EML6: variants seen among roughly 807,000 people sequenced by gnomAD.
EML6 encodes echinoderm microtubule-associated protein-like 6.
A neutral mutation model predicts 240.1 loss-of-function variants in EML6; 154 were observed. The ratio of observed to expected loss-of-function variants is 0.64; its 90% confidence interval spans 0.56 to 0.73. The LOEUF is 0.73. Among genes scored for constraint, EML6 ranks in the 30% least tolerant of loss-of-function variants. EML6 has a pLI of 0.00. For synonymous variants in EML6, 1,148 were observed against 899.0 expected (o/e 1.28, Z -4.95); for missense variants, 2,964 against 2,474.6 (o/e 1.20, Z -4.20).
At chr2:54,765,053 T>G (rs1379419067) in intron 2 of EML6, among the ~76,000 whole-genome samples, 1 of 152,206 alleles carries the variant, frequency 6.6e-6, no homozygotes, top group Non-Finnish European at 1.5e-5. Context: ...ATTAGAATTT[T>G]TTTTTCTTTA....
At chr2:54,849,892 C>T in intron 9 of EML6, 70 bp from the exon 10 acceptor site, 1 of 1,272,672 alleles carries the variant, frequency 7.9e-7, no homozygotes, top group Non-Finnish European at 1.1e-6. Context: ...TTTTCTGACA[C>T]ATATATTTTA....
intron 3 of EML6, among the ~76,000 whole-genome samples, chr2:54,814,869 G>A (rs900147200): frequency 6.6e-6 from 1 of 152,174 alleles, no homozygotes; most frequent in Non-Finnish European, 1.5e-5. Context: ...ATCTCATCCA[G>A]TTAGTCAGTT....
Position 54,949,484 on chromosome 2 carries a change from A to T in EML6, c.4083+524A>T, listed in dbSNP as rs1048368064. On this transcript the variant is annotated intron_variant, in intron 29 of 41. Coordinates refer to ENST00000356458, the MANE Select transcript of EML6 (RefSeq NM_001039753.4). ...GAGTTGAGGGAGTTATCAGGTCCCA[A>T]GCCCAAGATCACCAAGCCAGTAAGT... is the stretch of plus-strand genomic sequence containing the variant. Among the ~76,000 whole-genome samples the T allele has an allele frequency of 7.2e-5, 11 of 152,284 alleles. No individual in the cohort carries two copies. The East Asian group carries it at 2.1e-3, about 29-fold the overall frequency.
intron 2 of EML6, among the ~76,000 whole-genome samples, chr2:54,798,805 G>T (rs1465691105): frequency 6.6e-6 from 1 of 152,042 alleles, no homozygotes; most frequent in East Asian, 1.9e-4. Context: ...GTACTGCTAG[G>T]ACCTGCAGGC....
chr2:54,957,759 G>A, intron 32 of EML6, 31 bp from the exon 33 acceptor site: 1 of 1,545,846 alleles, frequency 6.5e-7, no homozygotes. Flanking sequence ...GAAGCAATGA[G>A]GAGCCTCACT....
At chr2:54,731,728 A>G (rs1244427881) in intron 2 of EML6, among the ~76,000 whole-genome samples, 1 of 152,236 alleles carries the variant, frequency 6.6e-6, no homozygotes, top group Non-Finnish European at 1.5e-5. Context: ...AAAGAATTGT[A>G]TCAGTCCCAC....
At chr2:54,773,328 G>A (rs1198445570) in intron 2 of EML6, among the ~76,000 whole-genome samples, 10 of 152,264 alleles carry the variant, frequency 6.6e-5, no homozygotes. Flanking sequence ...CAAGACACTA[G>A]GACAAGTTTC....
Position 54,968,862 on chromosome 2 carries a change from C to T in EML6, c.5852+94C>T, listed in dbSNP as rs1163177608. ...CCCGTGGGTCAGCCTCTCCCAGGGGCATGAGGAGGGCTGATGTGGGGCTAA... is the reference window on the plus strand; with the variant it reads ...CCCGTGGGTCAGCCTCTCCCAGGGGTATGAGGAGGGCTGATGTGGGGCTAA... On this transcript the variant is annotated intron_variant, in intron 41 of 41. Transcript: ENST00000356458. 1.2e-5 allele frequency: 8 copies of T among 675,354 alleles called. No homozygotes were observed. In the East Asian group the frequency reaches 2.2e-4, roughly 19 times the overall value. The allele number at this position is 675,354 out of a possible 1,614,324, so 41.8% of individuals were successfully genotyped here.
intron 2 of EML6, among the ~76,000 whole-genome samples, chr2:54,812,966 T>C (rs1260584254): frequency 6.6e-6 from 1 of 152,206 alleles, no homozygotes; most frequent in Non-Finnish European, 1.5e-5. Flanking sequence ...CGATTTTAAA[T>C]TGAATAATTA....
At chr2:54,921,672 A>G (rs1462425645) in intron 26 of EML6, among the ~76,000 whole-genome samples, 2 of 152,160 alleles carry the variant, frequency 1.3e-5, no homozygotes, top group Non-Finnish European at 2.9e-5. Context: ...TGAAATATAC[A>G]TTTCAAACTA....
chr2:54,925,895 A>G (rs13004152), intron 26 of EML6, among the ~76,000 whole-genome samples: 4,431 of 152,268 alleles, frequency 0.029, 75 homozygotes, highest in African/African-American at 0.038. Flanking sequence ...TTGCATTTTT[A>G]AAACCCTCCA....
At chr2:54,892,687 T>C in intron 19 of EML6, 31 bp downstream of exon 19, 4 of 1,506,166 alleles carry the variant, frequency 2.7e-6, no homozygotes, top group Non-Finnish European at 3.6e-6. Context: ...TTCATTTTCC[T>C]CATCAGCCTT....
At position 54,924,759 on chromosome 2, in the gene EML6, C is replaced by T. The variant is rs550182141; in HGVS notation, c.3676-3554C>T. 7.9e-4 allele frequency among the ~76,000 whole-genome samples: 120 copies of T among 152,144 alleles called. 2 individuals carry two copies. Among genetic ancestry groups the T allele is most frequent in the African/African-American group, 2.8e-3 (115 of 41,514 alleles). On this transcript the variant is annotated intron_variant, in intron 26 of 41. Coordinates refer to ENST00000356458, the MANE Select transcript of EML6 (RefSeq NM_001039753.4). Reference sequence around the variant, plus strand: ...TGTATTTTTAGTAGAGATGGGGTTTCGCCGTGTTGGCCAGACTGGTCTCGA... The same window carrying T: ...TGTATTTTTAGTAGAGATGGGGTTTTGCCGTGTTGGCCAGACTGGTCTCGA...
At chr2:54,890,514 C>T (rs900543296) in intron 17 of EML6, among the ~76,000 whole-genome samples, 12 of 152,118 alleles carry the variant, frequency 7.9e-5, no homozygotes, top group African/African-American at 2.2e-4. Flanking sequence ...CAAAGTGCCT[C>T]GAATCAATAG....
At chr2:54,789,119 C>G (rs1365239382) in intron 2 of EML6, among the ~76,000 whole-genome samples, 1 of 152,112 alleles carries the variant, frequency 6.6e-6, no homozygotes, top group African/African-American at 2.4e-5. Context: ...TGGTTTTATT[C>G]CAATAAATAG....
chr2:54,967,157 C>G, intron 39 of EML6, 54 bp downstream of exon 39: 1 of 1,131,490 alleles, frequency 8.8e-7, no homozygotes, highest in Non-Finnish European at 1.3e-6. Context: ...AGTCTCTTGT[C>G]TCACTCAGGC....
At chr2:54,894,411 AT>A (rs1672649576) in intron 19 of EML6, among the ~76,000 whole-genome samples, 1 of 152,220 alleles carries the variant, frequency 6.6e-6, no homozygotes, top group South Asian at 2.1e-4. Context: ...ATTGAATGAA[AT>A]AGGATCGTTT....
Position 54,813,289 on chromosome 2 carries a change from A to G in EML6, c.255A>G (p.Pro85=), listed in dbSNP as rs2631840. The G allele has an allele frequency of 0.84, 1,307,861 of 1,549,724 alleles. 552,934 individuals are homozygous for G. Among genetic ancestry groups the G allele is most frequent in the Admixed American group, 0.89 (45,412 of 50,990 alleles). The part of the protein sequence containing the change: ...LVATGQVGKE[P]YICIWDSYNV... ...CAACTGGCCAAGTCGGGAAGGAGCCATATATATGCATATGGGATTCCTATA... is the reference window on the plus strand; with the variant it reads ...CAACTGGCCAAGTCGGGAAGGAGCCGTATATATGCATATGGGATTCCTATA... Residue 85 remains proline, a synonymous_variant, in exon 3 of 42, where the codon CCA becomes CCG. Coordinates refer to ENST00000356458, the MANE Select transcript of EML6 (RefSeq NM_001039753.4).
chr2:54,767,492 T>C (rs373588370), intron 2 of EML6, among the ~76,000 whole-genome samples: 1 of 152,054 alleles, frequency 6.6e-6, no homozygotes, highest in African/African-American at 2.4e-5. Context: ...ACCTCAAATA[T>C]CTATTTTATT....
Sources: allele counts gnomAD v4.1 joint callset (sites outside exome capture counted in the v4.1 genomes callset), GRCh38; gene constraint gnomAD v4.1.1; transcripts MANE v1.5; gene names NCBI Gene and HGNC (gene_info 2026-07-23, HGNC 2026-07-21).